ASB18: variants seen among roughly 807,000 people sequenced by gnomAD.
The protein encoded by ASB18 is ankyrin repeat and SOCS box containing 18.
Under a neutral mutation model 33.4 loss-of-function variants are expected in ASB18, and 33 were observed. That is an observed-to-expected ratio of 0.99 (90% CI 0.75 to 1.32). The LOEUF (loss-of-function observed/expected upper bound fraction) is 1.32. Ranked by LOEUF, ASB18 falls within the 40% of genes most tolerant of loss-of-function variation. ASB18 has a pLI of 0.00. For synonymous variants in ASB18, 295 were observed against 307.6 expected (o/e 0.96, Z 0.43); for missense variants, 694 against 655.5 (o/e 1.06, Z -0.64).
At position 236,228,487 on chromosome 2, in the gene ASB18, A is replaced by G. The variant is rs2060550871; in HGVS notation, c.596+9202T>C. ...CCCTTGATTATTCAGCTCAATACCA[A>G]TTAGTGTGTGGGCATGAGGAAACTA... On this transcript the variant is annotated intron_variant, in intron 3 of 5. Coordinates refer to ENST00000409749, the MANE Select transcript of ASB18 (RefSeq NM_212556.4). This position sits in a 1 kb window ranked among gnomAD's most constrained non-coding sequence, Gnocchi z 5.1. 6.6e-6 allele frequency among the ~76,000 whole-genome samples: 1 copy of G among 152,212 alleles called. No homozygotes were observed.
intron 1 of ASB18, among the ~76,000 whole-genome samples, chr2:236,243,311 CAG>C (rs1403830621): frequency 7.7e-6 from 1 of 130,044 alleles, no homozygotes; most frequent in African/African-American, 3.1e-5. Context: ...GCCTGGGCAA[CAG>C]AGCGAGACTC....
At position 236,259,435 on chromosome 2, in the gene ASB18, A is replaced by C. The variant is rs2060708081; in HGVS notation, c.205+4706T>G. The C allele has an allele frequency of 2.2e-6, 1 of 451,442 alleles. No individual in the cohort carries two copies. Among genetic ancestry groups the C allele is most frequent in the Non-Finnish European group, 4.7e-6 (1 of 214,336 alleles). The allele number at this position is 451,442 out of a possible 1,614,324, so 28.0% of individuals were successfully genotyped here. A position where few individuals can be genotyped will look rare whatever the true frequency, so the allele number is the denominator to read the frequency against. On this transcript the variant is annotated intron_variant, in intron 1 of 5. Coordinates refer to ENST00000409749, the MANE Select transcript of ASB18 (RefSeq NM_212556.4). The surrounding 1 kb of genome is among the most constrained non-coding windows in gnomAD (Gnocchi z 4.4). ...CAGGTTTGAATTATCCAGTTGGTAT[A>C]TAAAAAGCAGCCTAGCAAGGCCATG... is the stretch of plus-strand genomic sequence containing the variant.
Position 236,235,692 on chromosome 2 carries a change from G to C in ASB18, c.596+1997C>G, listed in dbSNP as rs1052024662. On this transcript the variant is annotated intron_variant, in intron 3 of 5. Coordinates refer to ENST00000409749, the MANE Select transcript of ASB18 (RefSeq NM_212556.4). The surrounding 1 kb of genome is among the most constrained non-coding windows in gnomAD (Gnocchi z 6.2). ...AATGGTACAACTTTCAAAACTAGTT[G>C]GGCCATTTATTAGTTATTGTTATTA... Among the ~76,000 whole-genome samples the C allele has an allele frequency of 1.3e-5, 2 of 152,158 alleles. No homozygotes were observed. Among genetic ancestry groups the C allele is most frequent in the Admixed American group, 6.5e-5 (1 of 15,272 alleles).
chr2:236,259,569 T>C lies in ASB18; in HGVS notation c.205+4572A>G, dbSNP rs1319986002. On this transcript the variant is annotated intron_variant, in intron 1 of 5. Transcript: ENST00000409749. This position sits in a 1 kb window ranked among gnomAD's most constrained non-coding sequence, Gnocchi z 4.4. ...GCCTTCCAGTGGACGTGACCTCCCC[T>C]GCATGGGGTCGGAAGGATGAGATGG... 2.1e-6 allele frequency: 1 copy of C among 471,076 alleles called. No individual in the cohort carries two copies. Among genetic ancestry groups the C allele is most frequent in the Admixed American group, 2.3e-5 (1 of 42,568 alleles). 29.2% of individuals were successfully genotyped at this position (471,076 alleles called of 1,614,324 possible). A position where few individuals can be genotyped will look rare whatever the true frequency, so the allele number is the denominator to read the frequency against.
In ASB18 at chr2:236,237,633, C is replaced by G. The variant is rs1477261938; in HGVS notation, c.596+56G>C. The G allele has an allele frequency of 2.6e-6, 3 of 1,161,266 alleles. No homozygotes were observed. The highest frequency in any genetic ancestry group is 3.2e-6 in the Non-Finnish European group (3 of 949,592). 71.9% of individuals were successfully genotyped at this position (1,161,266 alleles called of 1,614,324 possible). ...GGGTCGGCGGTCTCGTGGGGGGAGG[C>G]GGGCGTCTGGTCTCGGGGCGGGGCG... On this transcript the variant is annotated intron_variant, in intron 3 of 5. Coordinates refer to ENST00000409749, the MANE Select transcript of ASB18 (RefSeq NM_212556.4). The surrounding 1 kb of genome is among the most constrained non-coding windows in gnomAD (Gnocchi z 6.2).
At position 236,248,639 on chromosome 2, in the gene ASB18, A is replaced by G. The variant is rs890256917; in HGVS notation, c.206-7237T>C. 11 of 152,172 alleles carry G rather than the reference A, an allele frequency of 7.2e-5. No homozygotes were observed. The highest frequency in any genetic ancestry group is 2.7e-4 in the African/African-American group (11 of 41,450). The allele number at this position is 152,172 out of a possible 1,614,324, so 9.4% of individuals were successfully genotyped here. On this transcript the variant is annotated intron_variant, in intron 1 of 5. Transcript: ENST00000409749. This position sits in a 1 kb window ranked among gnomAD's most constrained non-coding sequence, Gnocchi z 4.9. ...AAAAGAGTCCCCAGGTACTTCTAAC[A>G]TGCAGCCAAGGTTGAGAACCATTGC...
Position 236,205,626 on chromosome 2 carries a change from T to C in ASB18, c.1101+8736A>G, listed in dbSNP as rs1024798952. 2.6e-5 allele frequency among the ~76,000 whole-genome samples: 4 copies of C among 152,258 alleles called. No homozygotes were observed. Among genetic ancestry groups the C allele is most frequent in the African/African-American group, 9.6e-5 (4 of 41,476 alleles). ...TGTTCACTCACTTATCCTATGTGCCTAGTATATTGCTGGGACATGACTGGT... is the reference window on the plus strand; with the variant it reads ...TGTTCACTCACTTATCCTATGTGCCCAGTATATTGCTGGGACATGACTGGT... On this transcript the variant is annotated intron_variant, in intron 4 of 5. Transcript: ENST00000409749. The surrounding 1 kb of genome is among the most constrained non-coding windows in gnomAD (Gnocchi z 5.4).
In ASB18 at chr2:236,250,246, G is replaced by A. The variant is rs1194175192; in HGVS notation, c.206-8844C>T. On this transcript the variant is annotated intron_variant, in intron 1 of 5. Coordinates refer to ENST00000409749, the MANE Select transcript of ASB18 (RefSeq NM_212556.4). The surrounding 1 kb of genome is among the most constrained non-coding windows in gnomAD (Gnocchi z 4.1). Reference sequence around the variant, plus strand: ...TTAATCCAGCTGAGGCTGAAACCTGGAGCTGGTGGGCTTTGTGGCAGGGCC... The same window carrying A: ...TTAATCCAGCTGAGGCTGAAACCTGAAGCTGGTGGGCTTTGTGGCAGGGCC... The A allele has an allele frequency of 6.6e-6, 1 of 152,232 alleles. No individual in the cohort carries two copies. Among genetic ancestry groups the A allele is most frequent in the Non-Finnish European group, 1.5e-5 (1 of 68,046 alleles). 9.4% of individuals were successfully genotyped at this position (152,232 alleles called of 1,614,324 possible).
chr2:236,233,343 G>A (rs1253698886), intron 3 of ASB18, among the ~76,000 whole-genome samples: 2 of 152,168 alleles, frequency 1.3e-5, no homozygotes, highest in Admixed American at 1.3e-4. Flanking sequence ...ACTTAGTGGT[G>A]AATTAATGTT....
chr2:236,198,535 T>C (rs991184646), intron 4 of ASB18, among the ~76,000 whole-genome samples: 1 of 151,780 alleles, frequency 6.6e-6, no homozygotes, highest in Non-Finnish European at 1.5e-5. Flanking sequence ...ACCCGGCTGA[T>C]TTTTGTATTT....
At position 236,231,496 on chromosome 2, in the gene ASB18, C is replaced by CA. The variant is rs1350282175; in HGVS notation, c.596+6192dup. Among the ~76,000 whole-genome samples the CA allele has an allele frequency of 6.6e-6, 1 of 152,178 alleles. No homozygotes were observed. The highest frequency in any genetic ancestry group is 1.5e-5 in the Non-Finnish European group (1 of 68,028). On this transcript the variant is annotated intron_variant, in intron 3 of 5. Coordinates refer to ENST00000409749, the MANE Select transcript of ASB18 (RefSeq NM_212556.4). This position sits in a 1 kb window ranked among gnomAD's most constrained non-coding sequence, Gnocchi z 5.5. ...CAGCAACACAATGCCATCTTGGAAG[C>CA]AACACAATGCCATCTTGGAAGCAGA...
Position 236,209,779 on chromosome 2 carries a change from G to C in ASB18, c.1101+4583C>G, listed in dbSNP as rs1320394459. On this transcript the variant is annotated intron_variant, in intron 4 of 5. Coordinates refer to ENST00000409749, the MANE Select transcript of ASB18 (RefSeq NM_212556.4). This position sits in a 1 kb window ranked among gnomAD's most constrained non-coding sequence, Gnocchi z 4.4. Reference sequence around the variant, plus strand: ...CCAATATTCCAAAGTCAGAGGCCCAGGCCCTTAAGGCCCTGCCTGGCTGCC... The same window carrying C: ...CCAATATTCCAAAGTCAGAGGCCCACGCCCTTAAGGCCCTGCCTGGCTGCC... Among the ~76,000 whole-genome samples, 1 of 152,216 alleles carries C rather than the reference G, an allele frequency of 6.6e-6. No individual in the cohort carries two copies. The highest frequency in any genetic ancestry group is 1.5e-5 in the Non-Finnish European group (1 of 68,044).
rs1442642412 is a variant in ASB18, at chr2:236,226,391, C to T, written c.596+11298G>A. Among the ~76,000 whole-genome samples the T allele has an allele frequency of 6.6e-6, 1 of 151,968 alleles. No homozygotes were observed. Among genetic ancestry groups the T allele is most frequent in the East Asian group, 1.9e-4 (1 of 5,172 alleles). On this transcript the variant is annotated intron_variant, in intron 3 of 5. Coordinates refer to ENST00000409749, the MANE Select transcript of ASB18 (RefSeq NM_212556.4). This position sits in a 1 kb window ranked among gnomAD's most constrained non-coding sequence, Gnocchi z 4.8. The stretch of plus-strand genomic sequence containing the variant: ...CAAATTAAACAGCCAAAGGGAAAGA[C>T]TCCCATAGAGCGACACAGAGAAGAG...
chr2:236,201,611 T>C (rs2060403063), intron 4 of ASB18, among the ~76,000 whole-genome samples: 1 of 152,210 alleles, frequency 6.6e-6, no homozygotes, highest in African/African-American at 2.4e-5. Context: ...ATGTCTGTTT[T>C]GGCACTAGCA....
At chr2:236,197,075 C>CAT (rs1430516927) in intron 4 of ASB18, among the ~76,000 whole-genome samples, 1 of 146,962 alleles carries the variant, frequency 6.8e-6, no homozygotes, top group African/African-American at 2.7e-5. Context: ...TATCCCCGCC[C>CAT]CCCCCATCAA....
chr2:236,262,710 C>A lies in ASB18; in HGVS notation c.205+1431G>T, dbSNP rs902344122. On this transcript the variant is annotated intron_variant, in intron 1 of 5. Transcript: ENST00000409749. The surrounding 1 kb of genome is among the most constrained non-coding windows in gnomAD (Gnocchi z 5.2). ...AACCTCCCCTAAACCCCCCCCAGGG[C>A]AATCTTCTAGAGAGATGGAAGGTAC... Among the ~76,000 whole-genome samples the A allele has an allele frequency of 6.6e-6, 1 of 152,122 alleles. No individual in the cohort carries two copies. Among genetic ancestry groups the A allele is most frequent in the Non-Finnish European group, 1.5e-5 (1 of 68,036 alleles).
rs530013880 is a variant in ASB18, at chr2:236,241,931, A to G, written c.206-529T>C. The stretch of plus-strand genomic sequence containing the variant: ...ATGTGGAGTAAGTGACTCACTTACA[A>G]AAATGACTTTGGTGACCAGAATACT... On this transcript the variant is annotated intron_variant, in intron 1 of 5. Transcript: ENST00000409749. The surrounding 1 kb of genome is among the most constrained non-coding windows in gnomAD (Gnocchi z 4.2). Among the ~76,000 whole-genome samples, 1 of 152,366 alleles carries G rather than the reference A, an allele frequency of 6.6e-6. No homozygotes were observed. Among genetic ancestry groups the G allele is most frequent in the Non-Finnish European group, 1.5e-5 (1 of 68,038 alleles).
rs942696384 is a variant in ASB18, at chr2:236,217,133, C to T, written c.597-2267G>A. ...TATTTCAAATATTTGTTGGGCCAGG[C>T]GCGGTGGCTCATGCCGGTAATCCCA... On this transcript the variant is annotated intron_variant, in intron 3 of 5. Transcript: ENST00000409749. This position sits in a 1 kb window ranked among gnomAD's most constrained non-coding sequence, Gnocchi z 5.2. Among the ~76,000 whole-genome samples the T allele has an allele frequency of 2.6e-5, 4 of 152,130 alleles. No individual in the cohort carries two copies. The highest frequency in any genetic ancestry group is 6.5e-5 in the Admixed American group (1 of 15,272).
In ASB18 at chr2:236,194,876, T is replaced by C; in HGVS notation, c.1397A>G (p.His466Arg). 1 of 1,612,792 alleles carries C rather than the reference T, an allele frequency of 6.2e-7. No homozygotes were observed. Among genetic ancestry groups the C allele is most frequent in the Non-Finnish European group, 8.5e-7 (1 of 1,179,330 alleles). ...YLLLEPQGVL[H>R] ...TTGGTTGCAGCGTTCTGCGTTTCAG[T>C]GCAAAACACCCTGTGGCTCCAAAAG... Residue 466 changes from histidine (H) to arginine (R), a missense_variant, in exon 6 of 6, where the codon CAC (histidine) becomes CGC (arginine). Transcript: ENST00000409749. This position sits in a 1 kb window ranked among gnomAD's most constrained non-coding sequence, Gnocchi z 4.5.
Sources: allele counts gnomAD v4.1 joint callset (sites outside exome capture counted in the v4.1 genomes callset), GRCh38; gene constraint gnomAD v4.1.1; non-coding constraint Gnocchi (gnomAD v3.1); transcripts MANE v1.5; gene names NCBI Gene and HGNC (gene_info 2026-07-23, HGNC 2026-07-21).